The following CATIP variants were observed in gnomAD, a reference collection of about 807,000 sequenced individuals.
CATIP encodes the protein ciliogenesis-associated TTC17-interacting protein.
CATIP carries 40 observed loss-of-function variants against 42.5 expected under a neutral mutation model. That is an observed-to-expected ratio of 0.94 (90% CI 0.73 to 1.22). The LOEUF is 1.22. CATIP is among the 50% of genes most tolerant of loss of function. The pLI, the probability that CATIP is intolerant of heterozygous loss-of-function variation, is 0.00. For missense variants in CATIP, 489 were observed against 496.0 expected, an observed-to-expected ratio of 0.99 and a Z score of 0.13; for synonymous variants, 222 against 200.2, an observed-to-expected ratio of 1.11 and a Z score of -0.92.
At chr2:218,364,362 C>A (rs916644902) in intron 6 of CATIP, among the ~76,000 whole-genome samples, 3 of 152,088 alleles carry the variant, frequency 2.0e-5, no homozygotes, top group Non-Finnish European at 4.4e-5. Context: ...GCTCCCACAC[C>A]CCCCCGCATA....
intron 7 of CATIP, chr2:218,366,129 C>A (rs1695428020): frequency 6.7e-6 from 1 of 150,178 alleles, no homozygotes; most frequent in African/African-American, 2.5e-5. Context: ...CTGCGACAGG[C>A]CTCTTTCTCT....
chr2:218,362,648 C>T (rs1695275875), intron 5 of CATIP, 87 bp from the exon 6 acceptor site: 1 of 1,329,506 alleles, frequency 7.5e-7, no homozygotes, highest in Admixed American at 2.2e-5. Flanking sequence ...AAAAACAAAA[C>T]CGTATGCCCA....
At chr2:218,364,494 C>G in intron 6 of CATIP, 134 bp from the exon 7 acceptor site, 1 of 1,331,134 alleles carries the variant, frequency 7.5e-7, no homozygotes, top group Non-Finnish European at 1.0e-6. Context: ...GCCAACTCAG[C>G]TTGGAGGTTT....
chr2:218,363,601 A>G (rs1695320014), intron 6 of CATIP, among the ~76,000 whole-genome samples: 1 of 152,054 alleles, frequency 6.6e-6, no homozygotes, highest in Non-Finnish European at 1.5e-5. Context: ...TTAGGAGGTC[A>G]AGATCAGCCT....
rs200278900 is a variant in CATIP, at chr2:218,367,434, G to T, written c.837G>T (p.Glu279Asp). The T allele has an allele frequency of 6.2e-7, 1 of 1,614,142 alleles. No individual in the cohort carries two copies. The highest frequency in any genetic ancestry group is 1.3e-5 in the African/African-American group (1 of 75,046). ...CCTTCCTTGTTCCCCACCTAGATGA[G>T]ATTGAGCCACGCCCAGTGTTTGAGA... Reference protein sequence around the residue: ...TKMPILREEDEIEPRPVFEKK... With the variant: ...TKMPILREEDDIEPRPVFEKK... The change falls in exon 9 of 10, where the codon GAG becomes GAT. Residue 279 changes from glutamate (E) to aspartate (D), a missense_variant. Glu to Asp is a conservative substitution (Grantham distance 45, BLOSUM62 2). Coordinates refer to ENST00000289388, the MANE Select transcript of CATIP (RefSeq NM_198559.2).
At chr2:218,367,407 A>C (rs746903941) in intron 8 of CATIP, 23 bp from the exon 9 acceptor site, 54 of 1,610,598 alleles carry the variant, frequency 3.4e-5, no homozygotes, top group Non-Finnish European at 6.8e-6. Context: ...AGGGACGCCC[A>C]GCCTTCCTTG....
chr2:218,357,962 CG>C, intron 3 of CATIP, 74 bp from the exon 4 acceptor site: 1 of 1,400,946 alleles, frequency 7.1e-7, no homozygotes, highest in Non-Finnish European at 1.0e-6. Flanking sequence ...CCTCCAGCTG[CG>C]CCACCACCTT....
Position 218,357,668 on chromosome 2 carries a change from T to C in CATIP, c.253T>C (p.Cys85Arg), listed in dbSNP as rs1183587017. 2.1e-5 allele frequency: 34 copies of C among 1,614,096 alleles called. No homozygotes were observed. Among genetic ancestry groups the C allele is most frequent in the Non-Finnish European group, 2.8e-5 (33 of 1,180,022 alleles). ...GGAAAAACTCGGCATGCTGACATACTGCCTCTTCGTGCATGCCTCTAGCCG... is the reference window on the plus strand; with the variant it reads ...GGAAAAACTCGGCATGCTGACATACCGCCTCTTCGTGCATGCCTCTAGCCG... The part of the protein sequence containing the change: ...YQEKLGMLTY[C>R]LFVHASSRGF... The change falls in exon 3 of 10, where the codon TGC becomes CGC. Residue 85 changes from cysteine to arginine, a missense_variant. By Grantham distance (180) the Cys-to-Arg change is radical (BLOSUM62 -3). Coordinates refer to ENST00000289388, the MANE Select transcript of CATIP (RefSeq NM_198559.2).
chr2:218,360,527 G>T (rs1695196502), intron 4 of CATIP, 46 bp from the exon 5 acceptor site: 1 of 1,454,866 alleles, frequency 6.9e-7, no homozygotes. Flanking sequence ...GACCTCTGGG[G>T]GACCCAGGGA....
At chr2:218,361,506 A>G (rs990174498) in intron 5 of CATIP, among the ~76,000 whole-genome samples, 14 of 152,156 alleles carry the variant, frequency 9.2e-5, no homozygotes, top group African/African-American at 2.9e-4. Flanking sequence ...TGAATACACA[A>G]TTTACATGCT....
rs769678646 is a variant in CATIP at position 218,367,524 on chromosome 2, G to T, written c.921+6G>T. 6.2e-7 allele frequency: 1 copy of T among 1,613,944 alleles called. No individual in the cohort carries two copies. Among genetic ancestry groups the T allele is most frequent in the Non-Finnish European group, 8.5e-7 (1 of 1,179,804 alleles). On this transcript the variant is annotated splice_donor_region_variant and intron_variant, in intron 9 of 9. Coordinates refer to ENST00000289388, the MANE Select transcript of CATIP (RefSeq NM_198559.2). ...CGAAGTTCCTGGACCGGAAGGTGAG[G>T]GGAGGCTCCACCAGCCTGGGGTTCC...
At chr2:218,360,259 C>A (rs1014318279) in intron 4 of CATIP, among the ~76,000 whole-genome samples, 1 of 152,130 alleles carries the variant, frequency 6.6e-6, no homozygotes, top group Non-Finnish European at 1.5e-5. Context: ...TCAAGCAATT[C>A]TTCTGCCTCA....
At position 218,367,056 on chromosome 2, in the gene CATIP, C is replaced by A. The variant is rs139611689; in HGVS notation, c.788C>A (p.Pro263Gln). ...GCCAAGAGAATACAGGTGGGCTCCC[C>A]AGGGTGCTGCATCATCACCAAGATG... ...HLAKRIQVGS[P>Q]GCCIITKMPI... Residue 263 changes from proline to glutamine, a missense_variant, in exon 8 of 10, where the codon CCA becomes CAA. Physicochemically the swap from Pro to Gln is moderately conservative, Grantham distance 76. Coordinates refer to ENST00000289388, the MANE Select transcript of CATIP (RefSeq NM_198559.2). 25 of 1,613,754 alleles carry A rather than the reference C, an allele frequency of 1.5e-5. No homozygotes were observed. The highest frequency in any genetic ancestry group is 2.7e-5 in the African/African-American group (2 of 74,904).
Position 218,362,820 on chromosome 2 carries a change from T to A in CATIP, c.548T>A (p.Val183Glu). ...SEAANLVLLR[V>E]MAWRRMVPSN... The stretch of plus-strand genomic sequence containing the variant: ...GCTGCCAACCTGGTGCTGCTCAGGG[T>A]GATGGCCTGGCGGCGGATGGTGCCC... The change falls in exon 6 of 10, where the codon GTG becomes GAG. Residue 183 changes from valine to glutamate, a missense_variant. Coordinates refer to ENST00000289388, the MANE Select transcript of CATIP (RefSeq NM_198559.2). The A allele has an allele frequency of 1.2e-6, 2 of 1,613,992 alleles. No homozygotes were observed. Among genetic ancestry groups the A allele is most frequent in the Non-Finnish European group, 1.7e-6 (2 of 1,179,994 alleles).
intron 2 of CATIP, 72 bp downstream of exon 2, chr2:218,357,259 G>GTCTCTCTTTCTCTCTC: frequency 1.7e-6 from 1 of 605,428 alleles, no homozygotes; most frequent in Admixed American, 3.1e-5. Context: ...AGAAAGTCCA[G>GTCTCTCTTTCTCTCTC]TCTCTCTCTC....
chr2:218,367,702 C>T lies in CATIP; in HGVS notation c.922-20C>T, dbSNP rs1482674128. ...GCGGGGGTCCCGTCCGGCTGAGGCT[C>T]GGGCTCTGTCCCCTGCCAGGAGGAG... is the stretch of plus-strand genomic sequence containing the variant. On this transcript the variant is annotated intron_variant, in intron 9 of 9. Coordinates refer to ENST00000289388, the MANE Select transcript of CATIP (RefSeq NM_198559.2). 2 of 1,583,926 alleles carry T rather than the reference C, an allele frequency of 1.3e-6. No individual in the cohort carries two copies. Among genetic ancestry groups the T allele is most frequent in the South Asian group, 1.1e-5 (1 of 88,612 alleles).
chr2:218,360,737 G>A (rs1695204665), intron 5 of CATIP, 78 bp downstream of exon 5: 1 of 1,176,948 alleles, frequency 8.5e-7, no homozygotes, highest in South Asian at 1.3e-5. Flanking sequence ...GATCAATTTA[G>A]AGAGTTTATT....
chr2:218,365,767 AT>A (rs2106317967), intron 7 of CATIP: 1 of 151,696 alleles, frequency 6.6e-6, no homozygotes, highest in African/African-American at 2.4e-5. Flanking sequence ...AGATTCCATA[AT>A]TTTTCTTTTC....
chr2:218,363,457 G>A (rs1183269341), intron 6 of CATIP, among the ~76,000 whole-genome samples: 1 of 147,796 alleles, frequency 6.8e-6, no homozygotes, highest in Non-Finnish European at 1.5e-5. Context: ...CTGCACTCCC[G>A]CCTGGGTGAC....
Sources: allele counts gnomAD v4.1 joint callset (sites outside exome capture counted in the v4.1 genomes callset), GRCh38; gene constraint gnomAD v4.1.1; transcripts MANE v1.5; gene names NCBI Gene and HGNC (gene_info 2026-07-23, HGNC 2026-07-21).